VWA8: variants seen among roughly 807,000 people sequenced by gnomAD.
VWA8 encodes the protein von Willebrand factor A domain containing 8.
In VWA8, 221 loss-of-function variants were observed where a neutral mutation model predicts 241.5. The ratio of observed to expected loss-of-function variants is 0.91; its 90% CI spans 0.82 to 1.02. The LOEUF is 1.02. Ranked by LOEUF, VWA8 falls within the 50% of genes least tolerant of loss-of-function variation. The pLI is 0.00. For synonymous variants in VWA8, 852 were observed against 827.1 expected (o/e 1.03, Z -0.52); for missense variants, 2,322 against 2,328.7 (o/e 1.00, Z 0.06).
intron 2 of VWA8, among the ~76,000 whole-genome samples, chr13:41,929,250 G>A (rs953877584): frequency 6.7e-6 from 1 of 149,736 alleles, no homozygotes; most frequent in Admixed American, 6.7e-5. Flanking sequence ...CAACCTCCCA[G>A]GCTTAAGCAA....
At chr13:41,803,735 T>G (rs1251698642) in intron 17 of VWA8, among the ~76,000 whole-genome samples, 3 of 152,082 alleles carry the variant, frequency 2.0e-5, no homozygotes, top group Non-Finnish European at 4.4e-5. Context: ...TCAGTGACCT[T>G]AAAGAAAGAA....
chr13:41,687,610 A>G (rs2045145397), intron 34 of VWA8, among the ~76,000 whole-genome samples: 1 of 152,122 alleles, frequency 6.6e-6, no homozygotes, highest in South Asian at 2.1e-4. Context: ...TAGGGGATAT[A>G]AGCTCTGTCT....
Position 41,891,603 on chromosome 13 carries a change from G to A in VWA8, c.484-16C>T, listed in dbSNP as rs199935223. The A allele has an allele frequency of 3.7e-5, 60 of 1,612,930 alleles. No homozygotes were observed. The highest frequency in any genetic ancestry group is 4.4e-5 in the Non-Finnish European group (52 of 1,179,604). On this transcript the variant is annotated splice_polypyrimidine_tract_variant and intron_variant, in intron 4 of 44. Transcript: ENST00000379310. Reference sequence around the variant, plus strand: ...GAACTGCACACTATTTCCAAGAAACGTAAAAGCAAAATGAGAATACTGAAG... The same window carrying A: ...GAACTGCACACTATTTCCAAGAAACATAAAAGCAAAATGAGAATACTGAAG...
intron 37 of VWA8, among the ~76,000 whole-genome samples, chr13:41,633,451 T>C (rs951484036): frequency 1.1e-4 from 17 of 152,200 alleles, no homozygotes; most frequent in Admixed American, 3.9e-4. Context: ...CGCAGTGGTA[T>C]ATAAGCCACC....
At chr13:41,960,826 G>A in intron 1 of VWA8, 27 bp downstream of exon 1, 2 of 1,510,690 alleles carry the variant, frequency 1.3e-6, no homozygotes, top group Non-Finnish European at 8.8e-7. Flanking sequence ...GGGGCACCAG[G>A]GAGGACAGGG....
At chr13:41,582,520 A>C (rs1461721714) in intron 42 of VWA8, among the ~76,000 whole-genome samples, 1 of 152,204 alleles carries the variant, frequency 6.6e-6, no homozygotes, top group East Asian at 1.9e-4. Context: ...GGGGAGTCTC[A>C]GATCACACTG....
intron 1 of VWA8, among the ~76,000 whole-genome samples, chr13:41,956,226 C>A (rs1406313874): frequency 1.3e-5 from 2 of 152,124 alleles, no homozygotes; most frequent in East Asian, 1.9e-4. Context: ...GCCAGTAGCA[C>A]CCCTCCCTCC....
chr13:41,789,451 A>G (rs1218126915), intron 17 of VWA8, among the ~76,000 whole-genome samples: 1 of 152,310 alleles, frequency 6.6e-6, no homozygotes, highest in Middle Eastern at 3.4e-3. Flanking sequence ...TACATTTATC[A>G]TATTTATTCA....
chr13:41,796,744 A>C (rs1026902443), intron 17 of VWA8, among the ~76,000 whole-genome samples: 3 of 151,738 alleles, frequency 2.0e-5, no homozygotes, highest in African/African-American at 7.3e-5. Flanking sequence ...CTGGCTCACA[A>C]ATTTTCTTTC....
chr13:41,680,620 A>G (rs1380015817), intron 35 of VWA8, among the ~76,000 whole-genome samples: 1 of 152,226 alleles, frequency 6.6e-6, no homozygotes, highest in Non-Finnish European at 1.5e-5. Context: ...AAATGTACTA[A>G]AAGTCAGAAA....
At chr13:41,777,354 G>T (rs1868652540) in intron 20 of VWA8, among the ~76,000 whole-genome samples, 1 of 152,096 alleles carries the variant, frequency 6.6e-6, no homozygotes, top group Non-Finnish European at 1.5e-5. Context: ...TATGGGAAGG[G>T]GACAGGAAGT....
At chr13:41,937,732 GACAACCCTGTCATTAA>G (rs1304578900) in intron 2 of VWA8, among the ~76,000 whole-genome samples, 3 of 152,192 alleles carry the variant, frequency 2.0e-5, no homozygotes, top group Middle Eastern at 3.4e-3. Context: ...TTTCTCAGAA[GACAACCCTGTCATTAA>G]ACAACACATA....
chr13:41,732,567 C>T (rs917200988), intron 21 of VWA8, among the ~76,000 whole-genome samples: 11 of 151,578 alleles, frequency 7.3e-5, no homozygotes, highest in Non-Finnish European at 1.5e-4. Flanking sequence ...GATTGGCATG[C>T]TGACATGGAC....
chr13:41,733,906 G>A (rs570995885), intron 21 of VWA8, among the ~76,000 whole-genome samples: 3 of 152,270 alleles, frequency 2.0e-5, no homozygotes, highest in Admixed American at 6.5e-5. Context: ...AAAAGTCAAC[G>A]ATGTAGTTTA....
At chr13:41,868,749 G>T (rs958819357) in intron 9 of VWA8, among the ~76,000 whole-genome samples, 3 of 151,640 alleles carry the variant, frequency 2.0e-5, no homozygotes, top group Non-Finnish European at 4.4e-5. Context: ...TTAGCTGGGC[G>T]TGGTGGCGGG....
intron 10 of VWA8, among the ~76,000 whole-genome samples, chr13:41,867,578 T>C (rs907905235): frequency 1.6e-4 from 24 of 152,216 alleles, no homozygotes; most frequent in Non-Finnish European, 2.1e-4. Context: ...TCGTGTAATA[T>C]ATGCAGAGAC....
chr13:41,639,941 A>AG (rs1483086966), intron 37 of VWA8, among the ~76,000 whole-genome samples: 6 of 152,078 alleles, frequency 3.9e-5, no homozygotes, highest in African/African-American at 1.2e-4. Context: ...TAAAAGTTGG[A>AG]GGGGGAAAAA....
At chr13:41,829,700 T>C (rs749365039) in intron 14 of VWA8, among the ~76,000 whole-genome samples, 42 of 152,076 alleles carry the variant, frequency 2.8e-4, no homozygotes, top group Non-Finnish European at 3.2e-4. Context: ...AACCAAATAT[T>C]GCATGTCATC....
intron 14 of VWA8, among the ~76,000 whole-genome samples, chr13:41,823,954 T>C (rs767585289): frequency 1.3e-5 from 2 of 152,224 alleles, no homozygotes; most frequent in African/African-American, 2.4e-5. Flanking sequence ...ATAGACTTTG[T>C]CATTAAAAGG....
Sources: gnomAD v4.1 joint callset for allele counts (sites outside exome capture counted in the v4.1 genomes callset) on GRCh38, gnomAD v4.1.1 for gene constraint, MANE v1.5 for transcripts, NCBI Gene and HGNC (gene_info 2026-07-23, HGNC 2026-07-21) for gene names.